CCT6B: variants seen among roughly 807,000 people sequenced by gnomAD.
CCT6B encodes the protein probable T-complex protein 1 subunit zeta-2.
CCT6B carries 49 observed loss-of-function variants against 61.5 expected under a neutral mutation model. The ratio of observed to expected loss-of-function variants is 0.80; its 90% confidence interval spans 0.63 to 1.01. The LOEUF (loss-of-function observed/expected upper bound fraction) is 1.01. Among genes scored for constraint, CCT6B ranks in the 50% least tolerant of loss-of-function variants. The probability of loss-of-function intolerance (pLI) is 0.00; values close to 1 mark genes in which losing one functional copy is unlikely to be tolerated. For missense variants in CCT6B, 666 were observed against 634.7 expected, an observed-to-expected ratio of 1.05 and a Z score of -0.53; for synonymous variants, 228 against 214.5, an observed-to-expected ratio of 1.06 and a Z score of -0.55.
intron 5 of CCT6B, among the ~76,000 whole-genome samples, chr17:34,950,457 T>C (rs905385344): frequency 6.6e-6 from 1 of 152,162 alleles, no homozygotes; most frequent in African/African-American, 2.4e-5. Flanking sequence ...GTGATACCAC[T>C]ACAGATCCTG....
At position 34,942,487 on chromosome 17, in the gene CCT6B, T is replaced by C. The variant is rs1292859433; in HGVS notation, c.882A>G (p.Gln294=). The C allele has an allele frequency of 1.3e-6, 2 of 1,585,914 alleles. No individual in the cohort carries two copies. The highest frequency in any genetic ancestry group is 2.8e-5 in the African/African-American group (2 of 72,582). The change falls in exon 7 of 14, where the codon CAA becomes CAG. Residue 294 remains glutamine, a synonymous_variant. Coordinates refer to ENST00000314144, the MANE Select transcript of CCT6B (RefSeq NM_006584.4). ...AAATCTAAACTTTCTTTCTCACCTT[T>C]TGATTAATGACGACAAATCCTTTAT... The part of the protein sequence containing the change: ...QSNKGFVVIN[Q]KGIDPFSLDS...
intron 11 of CCT6B, among the ~76,000 whole-genome samples, chr17:34,931,968 C>T (rs2090041103): frequency 6.6e-6 from 1 of 152,036 alleles, no homozygotes; most frequent in Non-Finnish European, 1.5e-5. Flanking sequence ...GAGCCTCAAG[C>T]CCTCCCTCTC....
rs781328208 is a variant in CCT6B at position 34,939,686 on chromosome 17, G to A, written c.996C>T (p.Ala332=). ...CAGTGAGATCTTCAAAAGAATTCACGGCCATTCCACCACAAGCAAGAGAGA... is the reference window on the plus strand; with the variant it reads ...CAGTGAGATCTTCAAAAGAATTCACAGCCATTCCACCACAAGCAAGAGAGA... The part of the protein sequence containing the change: ...ERLSLACGGM[A]VNSFEDLTVD... The change falls in exon 9 of 14, where the codon GCC becomes GCT. Residue 332 remains alanine, a synonymous_variant. Coordinates refer to ENST00000314144, the MANE Select transcript of CCT6B (RefSeq NM_006584.4). 12 of 1,612,898 alleles carry A rather than the reference G, an allele frequency of 7.4e-6. No homozygotes were observed. The highest frequency in any genetic ancestry group is 2.2e-5 in the South Asian group (2 of 91,046).
chr17:34,934,093 C>G (rs1452681875), intron 10 of CCT6B, among the ~76,000 whole-genome samples: 2 of 145,898 alleles, frequency 1.4e-5, no homozygotes, highest in Admixed American at 1.4e-4. Context: ...CATGCCACTG[C>G]ACTCCAGCCT....
At chr17:34,936,555 C>T (rs1003676129) in intron 10 of CCT6B, among the ~76,000 whole-genome samples, 1 of 151,996 alleles carries the variant, frequency 6.6e-6, no homozygotes, top group African/African-American at 2.4e-5. Context: ...TATAAGAAAG[C>T]TAATTGTGAT....
chr17:34,958,118 A>G (rs1011043770), intron 3 of CCT6B, among the ~76,000 whole-genome samples: 3 of 152,186 alleles, frequency 2.0e-5, no homozygotes, highest in Admixed American at 2.0e-4. Context: ...TATTATTTCC[A>G]TTTATAATTG....
In CCT6B at chr17:34,954,970, C is replaced by G. The variant is rs867735796; in HGVS notation, c.337-371G>C. Among the ~76,000 whole-genome samples, 3 of 152,194 alleles carry G rather than the reference C, an allele frequency of 2.0e-5. No homozygotes were observed. In the South Asian group the frequency reaches 6.2e-4, roughly 32 times the overall value. On this transcript the variant is annotated intron_variant, in intron 3 of 13. Transcript: ENST00000314144. The stretch of plus-strand genomic sequence containing the variant: ...GAACACTGTGGTGTCTACCACTTCA[C>G]CAAGTGATCAAAGTTAACATCACAA...
At chr17:34,948,050 C>T (rs2090245223) in intron 5 of CCT6B, among the ~76,000 whole-genome samples, 1 of 151,208 alleles carries the variant, frequency 6.6e-6, no homozygotes, top group African/African-American at 2.4e-5. Context: ...TTTTAATTTG[C>T]TTTTTTTATT....
rs531468241 is a variant in CCT6B at position 34,959,268 on chromosome 17, C to T, written c.201+319G>A. The stretch of plus-strand genomic sequence containing the variant: ...CCTCCAGAGTAGCTGGGACTATAGG[C>T]GTATGTCACCACACTGAGCAAAATT... On this transcript the variant is annotated intron_variant, in intron 2 of 13. Transcript: ENST00000314144. Among the ~76,000 whole-genome samples, 6 of 149,494 alleles carry T rather than the reference C, an allele frequency of 4.0e-5. No homozygotes were observed. In the South Asian group the frequency reaches 1.1e-3, roughly 26 times the overall value.
chr17:34,952,633 C>T (rs2090304461), intron 4 of CCT6B, among the ~76,000 whole-genome samples: 1 of 152,124 alleles, frequency 6.6e-6, no homozygotes, highest in Non-Finnish European at 1.5e-5. Flanking sequence ...CAGAAAGCTA[C>T]GTCTCATTTA....
chr17:34,938,888 G>A (rs774859363), intron 10 of CCT6B, among the ~76,000 whole-genome samples: 1 of 152,156 alleles, frequency 6.6e-6, no homozygotes, highest in East Asian at 1.9e-4. Context: ...TTCGAGACCA[G>A]CCTGGCCAAC....
At chr17:34,930,133 G>C (rs772700584) in intron 12 of CCT6B, among the ~76,000 whole-genome samples, 15 of 152,242 alleles carry the variant, frequency 9.9e-5, no homozygotes, top group Non-Finnish European at 8.8e-5. Context: ...TTAGCCGGGC[G>C]TGGCAGCAGA....
intron 7 of CCT6B, 56 bp from the exon 8 acceptor site, chr17:34,940,677 A>C: frequency 1.0e-6 from 1 of 960,084 alleles, no homozygotes; most frequent in Non-Finnish European, 1.6e-6. Flanking sequence ...TATTTCTCAA[A>C]CCTTTTGGTC....
intron 12 of CCT6B, 77 bp downstream of exon 12, chr17:34,930,872 T>G: frequency 1.5e-6 from 1 of 653,722 alleles, no homozygotes; most frequent in Non-Finnish European, 2.7e-6. Flanking sequence ...CCCAAACCTC[T>G]ACTCCTTTAC....
Position 34,935,861 on chromosome 17 carries a change from GA to G in CCT6B, c.1213+3321del, listed in dbSNP as rs59562273. On this transcript the variant is annotated intron_variant, in intron 10 of 13. Transcript: ENST00000314144. ...AACGAAGTGAGACTTCATCTCAAAA[GA>G]AAAAAAAAAAAATCATATGATCATC... 2.5e-3 allele frequency among the ~76,000 whole-genome samples: 351 copies of G among 138,300 alleles called. 1 individual carries two copies. The highest frequency in any genetic ancestry group is 7.8e-3 in the African/African-American group (286 of 36,714). 90.7% of individuals were successfully genotyped at this position (138,300 alleles called of 152,430 possible). A position where few individuals can be genotyped will look rare whatever the true frequency, so the allele number is the denominator to read the frequency against.
At chr17:34,950,587 A>G (rs188296635) in intron 5 of CCT6B, among the ~76,000 whole-genome samples, 220 of 152,348 alleles carry the variant, frequency 1.4e-3, no homozygotes, top group African/African-American at 4.9e-3. Context: ...TACCAAAATG[A>G]TTCAAAAAAT....
In CCT6B at chr17:34,940,542, TC is replaced by T; in HGVS notation, c.964del (p.Glu322LysfsTer12). The T allele has an allele frequency of 6.5e-7, 1 of 1,540,986 alleles. No homozygotes were observed. Among genetic ancestry groups the T allele is most frequent in the Non-Finnish European group, 8.9e-7 (1 of 1,129,278 alleles). On this transcript the variant is annotated frameshift_variant, in exon 8 of 14. Transcript: ENST00000314144. LOFTEE classifies it high-confidence loss of function. ...ATATAATTATCTGCAAGCTTACCTT[TC>T]CATATTTCTTCTTTTTGCTCTGCGA... is the stretch of plus-strand genomic sequence containing the variant. ...ALRRAKRRNM[E>X]RLSLACGGMA...
rs923625485 is a variant in CCT6B, at chr17:34,929,168, A to G, written c.1451-134T>C. 9.7e-6 allele frequency: 6 copies of G among 617,342 alleles called. 1 individual carries two copies. In the East Asian group the frequency reaches 1.7e-4, roughly 17 times the overall value. The allele number at this position is 617,342 out of a possible 1,614,324, so 38.2% of individuals were successfully genotyped here. On this transcript the variant is annotated intron_variant, in intron 12 of 13. Transcript: ENST00000314144. ...TCATCAATGACCTCCATATTGTTAA[A>G]TCCAATGGTTGATTCTCAGACCTCA...
Position 34,961,429 on chromosome 17 carries a change from T to G in CCT6B, c.-36A>C, listed in dbSNP as rs1255092450. The G allele has an allele frequency of 6.4e-7, 1 of 1,563,082 alleles. No homozygotes were observed. Among genetic ancestry groups the G allele is most frequent in the Non-Finnish European group, 8.6e-7 (1 of 1,160,400 alleles). On this transcript the variant is annotated 5_prime_UTR_variant, in exon 1 of 14. Transcript: ENST00000314144. ...TTCAGAGGGAGAAAAAAAAAAAGCC[T>G]TAGTCGCGATTCTGAGCAAAAACGG... is the stretch of plus-strand genomic sequence containing the variant.
Sources: gnomAD v4.1 joint callset for allele counts (sites outside exome capture counted in the v4.1 genomes callset) on GRCh38, gnomAD v4.1.1 for gene constraint, MANE v1.5 for transcripts, NCBI Gene and HGNC (gene_info 2026-07-23, HGNC 2026-07-21) for gene names.